The following BBX variants were observed in gnomAD, a reference collection of about 807,000 sequenced individuals.
BBX encodes the protein HMG box transcription factor BBX.
BBX carries 30 observed loss-of-function variants against 100.2 expected under a neutral mutation model. That is an observed-to-expected ratio of 0.30 (90% confidence interval 0.22 to 0.41). The LOEUF (loss-of-function observed/expected upper bound fraction) is 0.41, where lower values mean the gene tolerates loss of function less well. BBX is among the 10% of genes least tolerant of loss of function. The pLI is 1.00. For missense variants in BBX, 1,023 were observed against 1,129.8 expected (o/e 0.91, Z 1.35); for synonymous variants, 376 against 388.1 (o/e 0.97, Z 0.37).
At chr3:107,600,752 A>G (rs1438595554) in intron 2 of BBX, among the ~76,000 whole-genome samples, 1 of 152,190 alleles carries the variant, frequency 6.6e-6, no homozygotes, top group Non-Finnish European at 1.5e-5. Context: ...AGTTAAAAAT[A>G]TTAAAAGTTC....
In BBX at chr3:107,546,059, C is replaced by T. The variant is rs16853597; in HGVS notation, c.-84+19661C>T. Among the ~76,000 whole-genome samples, 1,329 of 152,228 alleles carry T rather than the reference C, an allele frequency of 8.7e-3. 26 individuals carry two copies. Among genetic ancestry groups the T allele is most frequent in the African/African-American group, 0.031 (1,268 of 41,528 alleles). ...ATGAAACCTCAAGGTCATGCTTAAC[C>T]CACTGGCTACTGAACAGTTTGACTG... On this transcript the variant is annotated intron_variant, in intron 2 of 17. Transcript: ENST00000325805.
At chr3:107,696,505 T>C (rs182032901) in intron 3 of BBX, among the ~76,000 whole-genome samples, 43,702 of 151,358 alleles carry the variant, frequency 0.29, 7,993 homozygotes, top group East Asian at 0.92. Context: ...TTCTTTTCTT[T>C]AAGAATGTTG....
At chr3:107,701,016 A>G (rs868092036) in intron 3 of BBX, among the ~76,000 whole-genome samples, 7 of 151,588 alleles carry the variant, frequency 4.6e-5, no homozygotes, top group African/African-American at 1.7e-4. Flanking sequence ...GGATCGCCAC[A>G]CTGACTTCCA....
At chr3:107,575,352 C>CT (rs2051694168) in intron 2 of BBX, among the ~76,000 whole-genome samples, 1 of 152,040 alleles carries the variant, frequency 6.6e-6, no homozygotes. Context: ...TTGACATTCT[C>CT]TTATTTTGTT....
chr3:107,523,563 G>A (rs2047520790), intron 1 of BBX: 1 of 152,576 alleles, frequency 6.6e-6, no homozygotes, highest in East Asian at 1.9e-4. Context: ...GCGCGGGCTG[G>A]AGCGGCCCCA....
At chr3:107,587,231 C>T (rs894256501) in intron 2 of BBX, among the ~76,000 whole-genome samples, 2 of 151,524 alleles carry the variant, frequency 1.3e-5, no homozygotes, top group Admixed American at 1.3e-4. Context: ...AGCTACTTTG[C>T]AGCTACTTTG....
chr3:107,548,625 A>G (rs1328308056), intron 2 of BBX, among the ~76,000 whole-genome samples: 1 of 152,218 alleles, frequency 6.6e-6, no homozygotes, highest in Non-Finnish European at 1.5e-5. Flanking sequence ...TTGACCCAGC[A>G]GTCTACTACT....
At chr3:107,543,967 C>T (rs915528768) in intron 2 of BBX, among the ~76,000 whole-genome samples, 3 of 152,358 alleles carry the variant, frequency 2.0e-5, no homozygotes, top group Middle Eastern at 3.4e-3. Context: ...TACCTTGTCA[C>T]TCGGACTGAA....
At chr3:107,791,833 T>A (rs933498587) in intron 15 of BBX, among the ~76,000 whole-genome samples, 5 of 152,184 alleles carry the variant, frequency 3.3e-5, no homozygotes, top group African/African-American at 1.2e-4. Context: ...AAACCCCGTC[T>A]GTACTAAAAA....
At chr3:107,570,101 G>T (rs911191566) in intron 2 of BBX, among the ~76,000 whole-genome samples, 1 of 152,216 alleles carries the variant, frequency 6.6e-6, no homozygotes, top group African/African-American at 2.4e-5. Context: ...AGCACTTGAA[G>T]CAAGATCCTG....
At chr3:107,551,629 G>A (rs959726668) in intron 2 of BBX, among the ~76,000 whole-genome samples, 1 of 152,208 alleles carries the variant, frequency 6.6e-6, no homozygotes, top group Non-Finnish European at 1.5e-5. Context: ...ATATAGTCCT[G>A]AAAATTGTTA....
chr3:107,780,183 AG>A (rs2067731920), intron 13 of BBX, among the ~76,000 whole-genome samples: 1 of 152,190 alleles, frequency 6.6e-6, no homozygotes, highest in South Asian at 2.1e-4. Context: ...AAAGATACCA[AG>A]TATCTTGAGC....
chr3:107,798,743 C>G (rs1369155542), intron 16 of BBX, 23 bp downstream of exon 16: 1 of 1,606,544 alleles, frequency 6.2e-7, no homozygotes, highest in South Asian at 1.1e-5. Flanking sequence ...AGCTTTAGAC[C>G]AGAGGTGTCC....
intron 2 of BBX, among the ~76,000 whole-genome samples, chr3:107,533,637 G>T (rs1388310700): frequency 6.6e-6 from 1 of 152,174 alleles, no homozygotes; most frequent in Admixed American, 6.5e-5. Context: ...CCATTTTGAC[G>T]TGATGATTCC....
At chr3:107,525,890 A>G (rs1458209842) in intron 1 of BBX, among the ~76,000 whole-genome samples, 1 of 152,094 alleles carries the variant, frequency 6.6e-6, no homozygotes, top group Non-Finnish European at 1.5e-5. Context: ...CCGCGGTGGC[A>G]CCTCCCGCCG....
chr3:107,696,359 T>C (rs1403022541), intron 3 of BBX, among the ~76,000 whole-genome samples: 2 of 151,776 alleles, frequency 1.3e-5, no homozygotes, highest in African/African-American at 2.4e-5. Flanking sequence ...CCATGTTTAG[T>C]GCTTCCTTCA....
intron 2 of BBX, among the ~76,000 whole-genome samples, chr3:107,573,583 A>ACAAT (rs2051540702): frequency 6.6e-6 from 1 of 152,030 alleles, no homozygotes; most frequent in Non-Finnish European, 1.5e-5. Context: ...AAACAAACAA[A>ACAAT]CAGTGTTTGT....
chr3:107,548,404 A>T (rs1336108222), intron 2 of BBX, among the ~76,000 whole-genome samples: 1 of 152,168 alleles, frequency 6.6e-6, no homozygotes, highest in Non-Finnish European at 1.5e-5. Flanking sequence ...ATGTGGTCTG[A>T]TAATTTATGA....
intron 3 of BBX, among the ~76,000 whole-genome samples, chr3:107,649,137 A>T (rs949851494): frequency 6.6e-6 from 1 of 152,152 alleles, no homozygotes; most frequent in African/African-American, 2.4e-5. Context: ...AAACCATCTG[A>T]TCTCTTGAGA....
Sources: allele counts gnomAD v4.1 joint callset (sites outside exome capture counted in the v4.1 genomes callset), GRCh38; gene constraint gnomAD v4.1.1; transcripts MANE v1.5; gene names NCBI Gene and HGNC (gene_info 2026-07-23, HGNC 2026-07-21).